SOX5: variants seen among roughly 807,000 people sequenced by gnomAD.
SOX5 encodes SRY-box transcription factor 5.
SOX5 carries 9 observed loss-of-function variants against 92.0 expected under a neutral mutation model. The ratio of observed to expected loss-of-function variants is 0.10; its 90% confidence interval spans 0.06 to 0.17. The LOEUF (loss-of-function observed/expected upper bound fraction) is 0.17, where lower values mean the gene tolerates loss of function less well. Among genes scored for constraint, SOX5 ranks in the 10% least tolerant of loss-of-function variants. SOX5 has a pLI of 1.00. For missense variants in SOX5, 642 were observed against 944.5 expected, an observed-to-expected ratio of 0.68 and a Z score of 4.20; for synonymous variants, 344 against 336.3, an observed-to-expected ratio of 1.02 and a Z score of -0.25.
rs1444536558 is a variant in SOX5, at chr12:24,005,145, A to G, written c.-1-109121T>C. The stretch of plus-strand genomic sequence containing the variant: ...GATGATGGAAATGTTCTAAATTTGT[A>G]TTGTGGTGATGGTAGGTAGCACAGC... On this transcript the variant is annotated intron_variant, in intron 4 of 4. Transcript: ENST00000446891. Among the ~76,000 whole-genome samples the G allele has an allele frequency of 3.3e-5, 5 of 151,834 alleles. No homozygotes were observed. In the East Asian group the frequency reaches 9.7e-4, roughly 29 times the overall value.
intron 11 of SOX5, among the ~76,000 whole-genome samples, chr12:23,551,113 A>T (rs1027362788): frequency 9.2e-5 from 14 of 151,980 alleles, no homozygotes; most frequent in African/African-American, 3.1e-4. Context: ...ACATGCATGA[A>T]ATGACAGAAT....
intron 7 of SOX5, among the ~76,000 whole-genome samples, chr12:23,658,098 C>T (rs1413509714): frequency 6.6e-6 from 1 of 152,048 alleles, no homozygotes; most frequent in African/African-American, 2.4e-5. Flanking sequence ...GTTATCATCT[C>T]ACAGTTATAA....
At chr12:24,503,997 G>C (rs1383458382) in intron 1 of SOX5, among the ~76,000 whole-genome samples, 1 of 151,992 alleles carries the variant, frequency 6.6e-6, no homozygotes, top group Non-Finnish European at 1.5e-5. Context: ...CACATTTTGA[G>C]TTTCTCAGAG....
intron 1 of SOX5, among the ~76,000 whole-genome samples, chr12:24,522,083 G>T (rs909533796): frequency 6.6e-6 from 1 of 150,928 alleles, no homozygotes; most frequent in African/African-American, 2.4e-5. Context: ...AGAAATAAAG[G>T]AAGAGACATT....
intron 3 of SOX5, among the ~76,000 whole-genome samples, chr12:23,784,885 T>C (rs995710060): frequency 4.6e-5 from 7 of 152,106 alleles, no homozygotes; most frequent in African/African-American, 1.7e-4. Flanking sequence ...AAGGTCAGCC[T>C]GGGCAACATA....
chr12:23,984,917 G>A (rs1949917703), intron 4 of SOX5, among the ~76,000 whole-genome samples: 1 of 152,108 alleles, frequency 6.6e-6, no homozygotes, highest in African/African-American at 2.4e-5. Flanking sequence ...ACCCATTTAT[G>A]CCAGAGGTTA....
At chr12:24,401,708 T>TAAAAAAAAAAAAAAAAAAAA (rs71063321) in intron 1 of SOX5, among the ~76,000 whole-genome samples, 1 of 99,462 alleles carries the variant, frequency 1.0e-5, no homozygotes, top group African/African-American at 3.9e-5. Context: ...ACCCTATCTT[T>TAAAAAAAAAAAAAAAAAAAA]AAAAAAAAAA....
At chr12:24,385,225 T>A (rs1189599061) in intron 1 of SOX5, among the ~76,000 whole-genome samples, 1 of 152,216 alleles carries the variant, frequency 6.6e-6, no homozygotes, top group Non-Finnish European at 1.5e-5. Flanking sequence ...AGTTTCCACT[T>A]TACAATGGTG....
At chr12:24,456,879 AT>A in intron 1 of SOX5, among the ~76,000 whole-genome samples, 1 of 152,320 alleles carries the variant, frequency 6.6e-6, no homozygotes, top group African/African-American at 2.4e-5. Context: ...AGCATTCATG[AT>A]TTCATAGTGC....
chr12:23,735,683 C>CTGAG (rs2093563938), intron 5 of SOX5, among the ~76,000 whole-genome samples: 1 of 152,086 alleles, frequency 6.6e-6, no homozygotes, highest in Admixed American at 6.6e-5. Context: ...TCAAAGGAAC[C>CTGAG]TCAAGTTCAA....
chr12:24,334,957 A>G (rs987517728), intron 2 of SOX5, among the ~76,000 whole-genome samples: 1 of 152,068 alleles, frequency 6.6e-6, no homozygotes, highest in South Asian at 2.1e-4. Context: ...ATAAAATAAT[A>G]ATGAATTTTC....
At chr12:24,206,087 C>T (rs909050042) in intron 4 of SOX5, among the ~76,000 whole-genome samples, 1 of 152,034 alleles carries the variant, frequency 6.6e-6, no homozygotes, top group Non-Finnish European at 1.5e-5. Context: ...TCCAATCTGC[C>T]CTCATTTTGT....
At chr12:24,179,879 G>A (rs963975369) in intron 4 of SOX5, among the ~76,000 whole-genome samples, 2 of 151,524 alleles carry the variant, frequency 1.3e-5, no homozygotes, top group Non-Finnish European at 2.9e-5. Flanking sequence ...TCTATTGTGA[G>A]TTAATGAATT....
At chr12:23,793,971 T>C (rs972453651) in intron 3 of SOX5, among the ~76,000 whole-genome samples, 1 of 152,226 alleles carries the variant, frequency 6.6e-6, no homozygotes, top group African/African-American at 2.4e-5. Flanking sequence ...TCACAGGGTA[T>C]GGTGACTATG....
intron 4 of SOX5, among the ~76,000 whole-genome samples, chr12:24,209,081 G>C (rs1958316294): frequency 6.6e-6 from 1 of 152,176 alleles, no homozygotes; most frequent in Non-Finnish European, 1.5e-5. Flanking sequence ...TTTAAAAAAA[G>C]TTTTTATTTG....
chr12:24,171,138 ATTTT>A (rs71059984), intron 4 of SOX5, among the ~76,000 whole-genome samples: 4 of 85,154 alleles, frequency 4.7e-5, no homozygotes, highest in Admixed American at 1.3e-4. Flanking sequence ...CCCAAGATCT[ATTTT>A]TTTTTTTTTT....
At chr12:24,206,557 G>T (rs1434715006) in intron 4 of SOX5, among the ~76,000 whole-genome samples, 2 of 152,006 alleles carry the variant, frequency 1.3e-5, no homozygotes, top group African/African-American at 4.8e-5. Context: ...CGGAACCAAA[G>T]AAACCCCCCA....
At chr12:24,245,033 A>G (rs1264539491) in intron 3 of SOX5, among the ~76,000 whole-genome samples, 1 of 152,144 alleles carries the variant, frequency 6.6e-6, no homozygotes, top group Non-Finnish European at 1.5e-5. Flanking sequence ...CTCATGTTTC[A>G]GGGAAGCCTT....
chr12:23,822,160 G>A (rs1456128337), intron 3 of SOX5, among the ~76,000 whole-genome samples: 2 of 151,940 alleles, frequency 1.3e-5, no homozygotes, highest in Non-Finnish European at 2.9e-5. Context: ...CTTGTCTTCC[G>A]CTAGCTTTTG....
Sources: gnomAD v4.1 joint callset for allele counts (sites outside exome capture counted in the v4.1 genomes callset) on GRCh38, gnomAD v4.1.1 for gene constraint, MANE v1.5 for transcripts, NCBI Gene and HGNC (gene_info 2026-07-23, HGNC 2026-07-21) for gene names.